The following DAB2IP variants were observed in gnomAD, a reference collection of about 807,000 sequenced individuals.
DAB2IP encodes the protein disabled homolog 2-interacting protein.
DAB2IP carries 28 observed loss-of-function variants against 107.2 expected under a neutral mutation model. The ratio of observed to expected loss-of-function variants is 0.26; its 90% confidence interval spans 0.19 to 0.36. The LOEUF is 0.36. Among genes scored for constraint, DAB2IP ranks in the 10% least tolerant of loss-of-function variants. The pLI is 1.00. For synonymous variants in DAB2IP, 755 were observed against 706.4 expected, an observed-to-expected ratio of 1.07 and a Z score of -1.09; for missense variants, 1,400 against 1,644.7, an observed-to-expected ratio of 0.85 and a Z score of 2.57.
intron 1 of DAB2IP, among the ~76,000 whole-genome samples, chr9:121,569,742 A>T (rs1363807217): frequency 6.6e-6 from 1 of 152,154 alleles, no homozygotes; most frequent in African/African-American, 2.4e-5. Flanking sequence ...AACCACTTGA[A>T]CTCGGGAGGC....
At chr9:121,680,743 C>CTTTT (rs78934765) in intron 2 of DAB2IP, among the ~76,000 whole-genome samples, 1 of 143,842 alleles carries the variant, frequency 7.0e-6, no homozygotes, top group Non-Finnish European at 1.5e-5. Flanking sequence ...TTTTTTTTTT[C>CTTTT]TTTTTTTTTT....
At chr9:121,621,923 G>C (rs1481334805) in intron 1 of DAB2IP, among the ~76,000 whole-genome samples, 1 of 150,496 alleles carries the variant, frequency 6.6e-6, no homozygotes, top group African/African-American at 2.4e-5. Flanking sequence ...CCAAAGTGTT[G>C]GGATTACAGA....
chr9:121,647,647 T>G (rs934455411), upstream of DAB2IP, among the ~76,000 whole-genome samples: 2 of 152,154 alleles, frequency 1.3e-5, no homozygotes, highest in African/African-American at 2.4e-5. Flanking sequence ...TTATTCAAAC[T>G]GACTAGTGGG....
chr9:121,614,986 G>T (rs1030447818), intron 1 of DAB2IP, among the ~76,000 whole-genome samples: 1 of 151,004 alleles, frequency 6.6e-6, no homozygotes, highest in African/African-American at 2.4e-5. Flanking sequence ...CACGAGCCTC[G>T]GCCTCCCAAA....
chr9:121,768,249 G>GACTT (rs765520275), intron 9 of DAB2IP, among the ~76,000 whole-genome samples, 183 bp from the exon 10 acceptor site: 5 of 152,154 alleles, frequency 3.3e-5, no homozygotes, highest in East Asian at 1.9e-4. Context: ...AGGATCGCTG[G>GACTT]ACTTACCATG....
chr9:121,606,384 T>A (rs1441112101), intron 1 of DAB2IP, among the ~76,000 whole-genome samples: 12 of 151,876 alleles, frequency 7.9e-5, no homozygotes, highest in African/African-American at 2.9e-4. Flanking sequence ...ATAATAATAA[T>A]GTATGCTACA....
intron 10 of DAB2IP, among the ~76,000 whole-genome samples, chr9:121,770,215 G>A (rs1382675576): frequency 6.6e-6 from 1 of 152,226 alleles, no homozygotes; most frequent in Non-Finnish European, 1.5e-5. Flanking sequence ...AGAGGTGGAG[G>A]TGTGGAAATG....
chr9:121,737,514 C>G (rs927049650), intron 3 of DAB2IP: 3 of 985,342 alleles, frequency 3.0e-6, no homozygotes, highest in African/African-American at 1.7e-5. Context: ...GAAGAGCTGC[C>G]TGGGTGAGCA....
intron 1 of DAB2IP, among the ~76,000 whole-genome samples, chr9:121,570,107 CTTTTTTTTT>C (rs60818537): frequency 9.9e-6 from 1 of 101,504 alleles, no homozygotes; most frequent in East Asian, 2.9e-4. Context: ...TTCTCTTTCT[CTTTTTTTTT>C]TTTTTTTTTT....
At chr9:121,577,522 G>T (rs1207464894) in intron 1 of DAB2IP, among the ~76,000 whole-genome samples, 1 of 152,232 alleles carries the variant, frequency 6.6e-6, no homozygotes, top group Admixed American at 6.5e-5. Context: ...AGCACGTGAG[G>T]GCGTGGGGGG....
intron 1 of DAB2IP, among the ~76,000 whole-genome samples, chr9:121,626,976 C>A (rs1831671030): frequency 6.6e-6 from 1 of 151,760 alleles, no homozygotes; most frequent in Non-Finnish European, 1.5e-5. Context: ...TGTGCTCACA[C>A]AAGCACAGCC....
At chr9:121,696,855 G>T (rs534014273) in intron 2 of DAB2IP, among the ~76,000 whole-genome samples, 1 of 152,244 alleles carries the variant, frequency 6.6e-6, no homozygotes, top group South Asian at 2.1e-4. Flanking sequence ...TCGGTGGGTG[G>T]GTCAACGGGA....
chr9:121,621,984 CTTTT>C (rs1202929145), intron 1 of DAB2IP, among the ~76,000 whole-genome samples: 1 of 99,696 alleles, frequency 1.0e-5, no homozygotes, highest in East Asian at 2.7e-4. Context: ...TTTTTTCTTT[CTTTT>C]TTTTTTTTTT....
chr9:121,709,950 C>T (rs1461274485), intron 3 of DAB2IP, among the ~76,000 whole-genome samples: 1 of 152,190 alleles, frequency 6.6e-6, no homozygotes, highest in African/African-American at 2.4e-5. Context: ...ATGCGCCAGG[C>T]CCTGCTCTCT....
chr9:121,696,840 T>C (rs375409444), intron 2 of DAB2IP, among the ~76,000 whole-genome samples: 30 of 152,328 alleles, frequency 2.0e-4, no homozygotes, highest in East Asian at 9.6e-4. Flanking sequence ...GGATGTGTGA[T>C]GTGATCGGTG....
rs1222050408 is a variant in DAB2IP, at chr9:121,634,991, C to T, written c.41-43687C>T. Among the ~76,000 whole-genome samples, 1 of 152,160 alleles carries T rather than the reference C, an allele frequency of 6.6e-6. No individual in the cohort carries two copies. Among genetic ancestry groups the T allele is most frequent in the Non-Finnish European group, 1.5e-5 (1 of 68,032 alleles). On this transcript the variant is annotated intron_variant, in intron 1 of 16. Coordinates refer to the DAB2IP transcript ENST00000259371. This position sits in a 1 kb window ranked among gnomAD's most constrained non-coding sequence, Gnocchi z 4.7. ...CATGGGGCCCTGTGTGCCAGTGCGG[C>T]CCACCCAGCCTCAGACCTGTGTATA...
intron 1 of DAB2IP, among the ~76,000 whole-genome samples, chr9:121,642,000 T>TC (rs1832340318): frequency 5.5e-5 from 1 of 18,312 alleles, no homozygotes; most frequent in African/African-American, 2.7e-4. Flanking sequence ...TTCCTTTCTC[T>TC]CTCTCTCTCT....
chr9:121,655,525 G>A (rs1010205610), intron 1 of DAB2IP, among the ~76,000 whole-genome samples: 1 of 152,182 alleles, frequency 6.6e-6, no homozygotes. Flanking sequence ...CCAGTCTGTT[G>A]GGGAGGCCAG....
At chr9:121,691,985 A>G (rs60411461) in intron 2 of DAB2IP, among the ~76,000 whole-genome samples, 5,431 of 152,210 alleles carry the variant, frequency 0.036, 320 homozygotes, top group African/African-American at 0.12. Context: ...AAGCAAACAA[A>G]TTGTCCAAAG....
Sources: gnomAD v4.1 joint callset for allele counts (sites outside exome capture counted in the v4.1 genomes callset) on GRCh38, gnomAD v4.1.1 for gene constraint, Gnocchi (gnomAD v3.1) non-coding constraint, MANE v1.5 for transcripts, NCBI Gene and HGNC (gene_info 2026-07-23, HGNC 2026-07-21) for gene names.